The following TMEM132C variants were observed in gnomAD, a reference collection of about 807,000 sequenced individuals.
TMEM132C encodes transmembrane protein 132C.
In TMEM132C, 29 loss-of-function variants were observed where a neutral mutation model predicts 61.4. The observed-to-expected ratio is 0.47, with a 90% confidence interval of 0.35 to 0.64. TMEM132C has a LOEUF of 0.64. Among genes scored for constraint, TMEM132C ranks in the 30% least tolerant of loss-of-function variants. The pLI, the probability that TMEM132C is intolerant of heterozygous loss-of-function variation, is 0.00. For missense variants in TMEM132C, 1,408 were observed against 1,476.9 expected, an observed-to-expected ratio of 0.95 and a Z score of 0.76; for synonymous variants, 656 against 633.1, an observed-to-expected ratio of 1.04 and a Z score of -0.54.
chr12:128,607,446 A>C (rs1876467498), intron 3 of TMEM132C, among the ~76,000 whole-genome samples: 1 of 152,134 alleles, frequency 6.6e-6, no homozygotes, highest in African/African-American at 2.4e-5. Context: ...TGGTTGCTGC[A>C]TTGAGGAGAG....
At chr12:128,300,790 A>G (rs1871569840) in intron 1 of TMEM132C, among the ~76,000 whole-genome samples, 2 of 152,130 alleles carry the variant, frequency 1.3e-5, no homozygotes, top group Non-Finnish European at 2.9e-5. Flanking sequence ...TAATCCCAGC[A>G]CTTTGGGAGA....
intron 1 of TMEM132C, among the ~76,000 whole-genome samples, chr12:128,411,462 T>A (rs559797497): frequency 3.3e-5 from 5 of 152,344 alleles, no homozygotes; most frequent in African/African-American, 1.2e-4. Flanking sequence ...CTTACAATCT[T>A]TTAACATCAT....
intron 1 of TMEM132C, among the ~76,000 whole-genome samples, chr12:128,334,677 G>A (rs1593014860): frequency 6.6e-6 from 1 of 150,938 alleles, no homozygotes; most frequent in African/African-American, 2.4e-5. Context: ...CTCACTGCAA[G>A]CTCTGCCTCC....
At chr12:128,608,817 G>C (rs934160856) in intron 3 of TMEM132C, among the ~76,000 whole-genome samples, 3 of 152,156 alleles carry the variant, frequency 2.0e-5, no homozygotes, top group Admixed American at 6.5e-5. Flanking sequence ...AGGATGGAGA[G>C]CCCCTGATTT....
intron 3 of TMEM132C, among the ~76,000 whole-genome samples, chr12:128,556,156 C>G (rs1057050838): frequency 6.6e-6 from 1 of 152,070 alleles, no homozygotes; most frequent in Admixed American, 6.6e-5. Flanking sequence ...TACTGGAGAC[C>G]GAAGGGCCAG....
intron 2 of TMEM132C, among the ~76,000 whole-genome samples, chr12:128,491,865 T>A (rs1039464591): frequency 3.3e-4 from 50 of 152,014 alleles, no homozygotes; most frequent in African/African-American, 9.2e-4. Flanking sequence ...TTTTTTTTTT[T>A]TATACTTTAA....
chr12:128,461,285 G>A (rs922392675), intron 2 of TMEM132C, among the ~76,000 whole-genome samples: 4 of 152,110 alleles, frequency 2.6e-5, no homozygotes, highest in Admixed American at 2.0e-4. Context: ...TGCACTGCAG[G>A]GAGCGTCATG....
At position 128,314,391 on chromosome 12, in the gene TMEM132C, C is replaced by T. The variant is rs142022774; in HGVS notation, c.85+46904C>T. 5.3e-3 allele frequency among the ~76,000 whole-genome samples: 812 copies of T among 152,246 alleles called. 4 individuals are homozygous for T. Among genetic ancestry groups the T allele is most frequent in the African/African-American group, 0.018 (765 of 41,560 alleles). On this transcript the variant is annotated intron_variant, in intron 1 of 8. Transcript: ENST00000435159. The stretch of plus-strand genomic sequence containing the variant: ...TGTTCAAAATTGCAGTTGAATGTGT[C>T]ATTGACAGAAAGCTCCCATACTCAT...
intron 1 of TMEM132C, among the ~76,000 whole-genome samples, chr12:128,398,249 A>G (rs1252032939): frequency 6.6e-6 from 1 of 152,236 alleles, no homozygotes; most frequent in African/African-American, 2.4e-5. Context: ...CCACGATGCT[A>G]GCTGTACATA....
chr12:128,616,922 T>A lies in TMEM132C; in HGVS notation c.1305+587T>A, dbSNP rs551515422. ...ACTGATGAGAACGTGTAAGCAAACA[T>A]GCTACTTGTGTGAATCATGCTATGA... On this transcript the variant is annotated intron_variant, in intron 4 of 8. Coordinates refer to ENST00000435159, the MANE Select transcript of TMEM132C (RefSeq NM_001136103.3). Among the ~76,000 whole-genome samples, 4 of 152,332 alleles carry A rather than the reference T, an allele frequency of 2.6e-5. No homozygotes were observed. The South Asian group carries it at 8.3e-4, about 32-fold the overall frequency.
rs559119667 is a variant in TMEM132C, at chr12:128,684,483, T to C, written c.1450-9346T>C. On this transcript the variant is annotated intron_variant, in intron 5 of 8. Coordinates refer to ENST00000435159, the MANE Select transcript of TMEM132C (RefSeq NM_001136103.3). ...ATCCTGCCTGTCTCCTCAGCCAAAG[T>C]GGGGCGGGCAACCAGCCATCTCCCC... is the stretch of plus-strand genomic sequence containing the variant. 3.3e-5 allele frequency among the ~76,000 whole-genome samples: 5 copies of C among 152,254 alleles called. No homozygotes were observed. The East Asian group carries it at 9.6e-4, about 29-fold the overall frequency.
At chr12:128,351,755 A>G (rs958413178) in intron 1 of TMEM132C, among the ~76,000 whole-genome samples, 3 of 152,346 alleles carry the variant, frequency 2.0e-5, no homozygotes, top group South Asian at 2.1e-4. Flanking sequence ...CAAGCTATCC[A>G]TGGGGAATCC....
chr12:128,358,042 T>C (rs997847429), intron 1 of TMEM132C, among the ~76,000 whole-genome samples: 11 of 152,100 alleles, frequency 7.2e-5, no homozygotes, highest in Admixed American at 4.6e-4. Context: ...CATCCCTGCA[T>C]TGAGTCATTC....
At chr12:128,463,126 G>C (rs1053674037) in intron 2 of TMEM132C, among the ~76,000 whole-genome samples, 1 of 152,124 alleles carries the variant, frequency 6.6e-6, no homozygotes, top group Admixed American at 6.5e-5. Flanking sequence ...AGCTAGCCTG[G>C]AGGTCTTCCG....
intron 4 of TMEM132C, among the ~76,000 whole-genome samples, chr12:128,664,090 A>C (rs1954431047): frequency 6.9e-6 from 1 of 145,330 alleles, no homozygotes; most frequent in African/African-American, 2.6e-5. Context: ...ACAAGCACCC[A>C]CACGCACGCA....
intron 1 of TMEM132C, among the ~76,000 whole-genome samples, chr12:128,311,262 C>A (rs1871954555): frequency 1.3e-5 from 2 of 152,212 alleles, no homozygotes; most frequent in African/African-American, 4.8e-5. Context: ...TCTTTCTAGC[C>A]ACCCCTTATT....
chr12:128,524,288 C>T (rs1274037436), intron 2 of TMEM132C, among the ~76,000 whole-genome samples: 2 of 152,178 alleles, frequency 1.3e-5, no homozygotes, highest in Non-Finnish European at 2.9e-5. Flanking sequence ...AACACGATGG[C>T]ATTGGGAGTG....
intron 3 of TMEM132C, among the ~76,000 whole-genome samples, chr12:128,546,254 C>T (rs970230765): frequency 6.6e-6 from 1 of 152,146 alleles, no homozygotes; most frequent in African/African-American, 2.4e-5. Flanking sequence ...TTGTTCCAAG[C>T]AGGAGATCAG....
intron 1 of TMEM132C, among the ~76,000 whole-genome samples, chr12:128,356,394 A>G (rs1423526868): frequency 6.6e-6 from 1 of 152,196 alleles, no homozygotes; most frequent in Non-Finnish European, 1.5e-5. Flanking sequence ...TCTCCTAAAG[A>G]GTTGAATTTG....
Sources: gnomAD v4.1 joint callset for allele counts (sites outside exome capture counted in the v4.1 genomes callset) on GRCh38, gnomAD v4.1.1 for gene constraint, MANE v1.5 for transcripts, NCBI Gene and HGNC (gene_info 2026-07-23, HGNC 2026-07-21) for gene names.